Variants in PRCC observed in about 807,000 individuals in gnomAD.
PRCC encodes the protein proline rich mitotic checkpoint control factor.
In PRCC, 10 loss-of-function variants were observed where a neutral mutation model predicts 44.0. The observed-to-expected ratio is 0.23, with a 90% CI of 0.14 to 0.39. PRCC has a LOEUF of 0.39. PRCC is among the 10% of genes least tolerant of loss of function. PRCC has a pLI of 1.00. For synonymous variants in PRCC, 278 were observed against 259.5 expected, an observed-to-expected ratio of 1.07 and a Z score of -0.69; for missense variants, 573 against 624.7, an observed-to-expected ratio of 0.92 and a Z score of 0.88.
At chr1:156,784,166 C>T (rs2102763136) in intron 2 of PRCC, among the ~76,000 whole-genome samples, 1 of 152,246 alleles carries the variant, frequency 6.6e-6, no homozygotes, top group South Asian at 2.1e-4. Context: ...CCAGGATGGT[C>T]TCGATCTCCT....
intron 1 of PRCC, among the ~76,000 whole-genome samples, chr1:156,779,579 G>A (rs1433526550): frequency 6.6e-6 from 1 of 152,004 alleles, no homozygotes; most frequent in Non-Finnish European, 1.5e-5. Flanking sequence ...ATATTGGCCA[G>A]GCTGGTCTCG....
chr1:156,797,682 T>TA (rs889544819), intron 6 of PRCC, among the ~76,000 whole-genome samples: 2 of 151,338 alleles, frequency 1.3e-5, no homozygotes, highest in African/African-American at 4.9e-5. Flanking sequence ...TTAAAAAACT[T>TA]AAAAAAAAAG....
chr1:156,795,121 T>G (rs563915634), intron 5 of PRCC, among the ~76,000 whole-genome samples: 1 of 152,222 alleles, frequency 6.6e-6, no homozygotes, highest in Non-Finnish European at 1.5e-5. Context: ...GCTCTACTCT[T>G]GCCGTACAGT....
chr1:156,778,741 C>T (rs1329190354), intron 1 of PRCC, among the ~76,000 whole-genome samples: 2 of 151,608 alleles, frequency 1.3e-5, no homozygotes, highest in African/African-American at 2.4e-5. Flanking sequence ...CGCCACCACA[C>T]TCAGCTAATT....
At chr1:156,787,903 C>T (rs1239153579) in intron 3 of PRCC, among the ~76,000 whole-genome samples, 2 of 152,060 alleles carry the variant, frequency 1.3e-5, no homozygotes, top group Admixed American at 6.5e-5. Context: ...ACGATCTTGA[C>T]TCACTGCAAC....
At chr1:156,791,815 A>G (rs2102770063) in intron 4 of PRCC, 23 bp downstream of exon 4, 2 of 1,586,074 alleles carry the variant, frequency 1.3e-6, no homozygotes, top group Non-Finnish European at 1.7e-6. Context: ...AGCACAAGTG[A>G]CCATCTTTGA....
rs67388360 is a variant in PRCC, at chr1:156,792,053, C to CTTTTTTTTTTTTTTTTT, written c.1179+273_1179+289dup. Among the ~76,000 whole-genome samples, 125 of 58,454 alleles carry CTTTTTTTTTTTTTTTTT rather than the reference C, an allele frequency of 2.1e-3. 20 individuals carry two copies. Among genetic ancestry groups the CTTTTTTTTTTTTTTTTT allele is most frequent in the South Asian group, 4.2e-3 (4 of 960 alleles). 38.3% of individuals were successfully genotyped at this position (58,454 alleles called of 152,430 possible). ...ACAGAGTCAGGGATCTAGTCCCCTT[C>CTTTTTTTTTTTTTTTTT]TTTTTTTTTTTTTTTTTTTTTTTTT... On this transcript the variant is annotated intron_variant, in intron 4 of 6. Coordinates refer to ENST00000271526, the MANE Select transcript of PRCC (RefSeq NM_005973.5).
chr1:156,797,390 G>A (rs1408997621), intron 6 of PRCC, 49 bp downstream of exon 6: 1 of 1,607,624 alleles, frequency 6.2e-7, no homozygotes. Context: ...CTGTAAATCT[G>A]GGAATTTGAA....
intron 1 of PRCC, among the ~76,000 whole-genome samples, chr1:156,769,469 G>A (rs997449152): frequency 6.6e-6 from 1 of 152,084 alleles, no homozygotes; most frequent in African/African-American, 2.4e-5. Flanking sequence ...ACAGTGCCTG[G>A]CACATACTGA....
intron 4 of PRCC, among the ~76,000 whole-genome samples, chr1:156,792,453 T>A (rs1057041586): frequency 6.6e-6 from 1 of 152,102 alleles, no homozygotes; most frequent in Non-Finnish European, 1.5e-5. Flanking sequence ...TTTTGTTTTT[T>A]GTTTGTTTGT....
chr1:156,793,827 T>A lies in PRCC; in HGVS notation c.1180-838T>A, dbSNP rs141586462. Among the ~76,000 whole-genome samples the A allele has an allele frequency of 5.9e-3, 891 of 152,136 alleles. 3 individuals are homozygous for A. The highest frequency in any genetic ancestry group is 8.7e-3 in the Non-Finnish European group (593 of 67,986). ...TTTTTTTATAGAGATGGGGTCTCACTTTATTGCCCAGGCTTGTCTCAAACT... is the reference window on the plus strand; with the variant it reads ...TTTTTTTATAGAGATGGGGTCTCACATTATTGCCCAGGCTTGTCTCAAACT... On this transcript the variant is annotated intron_variant, in intron 4 of 6. Coordinates refer to ENST00000271526, the MANE Select transcript of PRCC (RefSeq NM_005973.5).
intron 1 of PRCC, among the ~76,000 whole-genome samples, chr1:156,773,160 G>A (rs1382009844): frequency 1.3e-5 from 2 of 152,194 alleles, no homozygotes; most frequent in Non-Finnish European, 2.9e-5. Context: ...GAGCCCCGGG[G>A]TGTGGTGCTT....
At chr1:156,780,451 T>A (rs1479880935) in intron 1 of PRCC, among the ~76,000 whole-genome samples, 1 of 151,450 alleles carries the variant, frequency 6.6e-6, no homozygotes, top group African/African-American at 2.4e-5. Context: ...AATTTTATTA[T>A]TTTTATTTAT....
At chr1:156,794,246 T>C (rs11264555) in intron 4 of PRCC, among the ~76,000 whole-genome samples, 97,737 of 151,988 alleles carry the variant, frequency 0.64, 31,922 homozygotes, top group East Asian at 0.83. Flanking sequence ...TGTGAGCCAC[T>C]GTGCCTGGCC....
At chr1:156,774,832 A>G (rs1424192831) in intron 1 of PRCC, among the ~76,000 whole-genome samples, 1 of 151,658 alleles carries the variant, frequency 6.6e-6, no homozygotes, top group East Asian at 2.0e-4. Context: ...CATACCTGTA[A>G]TCCCAGCTAC....
intron 4 of PRCC, among the ~76,000 whole-genome samples, chr1:156,793,401 C>T (rs1652556782): frequency 6.6e-6 from 1 of 152,006 alleles, no homozygotes; most frequent in South Asian, 2.1e-4. Flanking sequence ...CCCACATTTG[C>T]TTTGAGGCAC....
intron 1 of PRCC, among the ~76,000 whole-genome samples, chr1:156,775,056 G>C (rs1427415454): frequency 2.0e-5 from 3 of 151,912 alleles, no homozygotes; most frequent in Non-Finnish European, 4.4e-5. Flanking sequence ...AGAGCATCCT[G>C]GCTAACACGG....
chr1:156,793,615 G>T (rs1450706065), intron 4 of PRCC, among the ~76,000 whole-genome samples: 2 of 152,116 alleles, frequency 1.3e-5, no homozygotes, highest in Non-Finnish European at 2.9e-5. Context: ...CTGGTGTGGG[G>T]TCTGTTGATT....
chr1:156,781,265 G>C (rs1652038923), intron 1 of PRCC, among the ~76,000 whole-genome samples: 1 of 152,124 alleles, frequency 6.6e-6, no homozygotes, highest in Non-Finnish European at 1.5e-5. Context: ...GAATATAATA[G>C]GTAATTATGA....
Sources: gnomAD v4.1 joint callset for allele counts (sites outside exome capture counted in the v4.1 genomes callset) on GRCh38, gnomAD v4.1.1 for gene constraint, MANE v1.5 for transcripts, NCBI Gene and HGNC (gene_info 2026-07-23, HGNC 2026-07-21) for gene names.